Variants in STARD3 observed in about 807,000 individuals in gnomAD.
The protein encoded by STARD3 is StAR related lipid transfer domain containing 3, also known as stAR-related lipid transfer protein 3.
Under a neutral mutation model 62.0 loss-of-function variants are expected in STARD3, and 39 were observed. That is an observed-to-expected ratio of 0.63 (90% confidence interval 0.49 to 0.82). STARD3 has a LOEUF of 0.82. Ranked by LOEUF, STARD3 falls within the 40% of genes least tolerant of loss-of-function variation. STARD3 has a pLI of 0.00. For synonymous variants in STARD3, 229 were observed against 242.4 expected, an observed-to-expected ratio of 0.94 and a Z score of 0.51; for missense variants, 543 against 584.5, an observed-to-expected ratio of 0.93 and a Z score of 0.73.
At chr17:39,641,648 C>T (rs2056984043) in intron 1 of STARD3, among the ~76,000 whole-genome samples, 1 of 152,196 alleles carries the variant, frequency 6.6e-6, no homozygotes. Flanking sequence ...AGACACTGTG[C>T]ATGTGTTGTT....
chr17:39,658,019 T>A lies in STARD3; in HGVS notation c.422T>A (p.Leu141His), dbSNP rs1567859859. 6.4e-7 allele frequency: 1 copy of A among 1,559,980 alleles called. No individual in the cohort carries two copies. Among genetic ancestry groups the A allele is most frequent in the Non-Finnish European group, 8.7e-7 (1 of 1,151,788 alleles). ...GCATTCCTCATTGTCAAGGTCATCC[T>A]CTCTGAGGTCAGTGGCTCAGGGTCT... ...SSAFLIVKVI[L>H]SELLSKGAFG... Residue 141 changes from leucine (L) to histidine (H), a missense_variant, in exon 5 of 15, where the codon CTC becomes CAC. Transcript: ENST00000336308.
rs529235725 is a variant in STARD3, at chr17:39,663,959, G to A, written c.*1051G>A. ...CCAGGGGCGGCCTGGAGCCCGGATC[G>A]CAGGGCGGGGCCAGGCCACTGCCTG... On this transcript the variant is annotated 3_prime_UTR_variant, in exon 15 of 15. Transcript: ENST00000336308. Among the ~76,000 whole-genome samples the A allele has an allele frequency of 1.3e-5, 2 of 152,174 alleles. No homozygotes were observed. The highest frequency in any genetic ancestry group is 1.9e-4 in the East Asian group (1 of 5,150).
chr17:39,658,910 C>A, intron 7 of STARD3, 90 bp downstream of exon 7: 1 of 1,564,094 alleles, frequency 6.4e-7, no homozygotes, highest in Non-Finnish European at 8.8e-7. Flanking sequence ...TTCCTTCTAT[C>A]AGGCTCCCTG....
At chr17:39,647,068 G>A (rs977614002) in intron 1 of STARD3, among the ~76,000 whole-genome samples, 7 of 151,964 alleles carry the variant, frequency 4.6e-5, no homozygotes, top group Non-Finnish European at 7.4e-5. Context: ...GCGTGGTGGC[G>A]GGCACCTGTA....
chr17:39,650,707 G>A (rs2057070335), intron 1 of STARD3, among the ~76,000 whole-genome samples: 1 of 152,196 alleles, frequency 6.6e-6, no homozygotes, highest in African/African-American at 2.4e-5. Flanking sequence ...TCAGCTACTT[G>A]GGAGGCTGAG....
rs1267211443 is a variant in STARD3, at chr17:39,653,768, G to T, written c.219+18G>T. On this transcript the variant is annotated intron_variant, in intron 2 of 14. Coordinates refer to ENST00000336308, the MANE Select transcript of STARD3 (RefSeq NM_006804.4). ...AACTGAATGTGAGTGGGGGCGAGGTGGGGGCACAGGCCATGTTGCAGGCCA... is the reference window on the plus strand; with the variant it reads ...AACTGAATGTGAGTGGGGGCGAGGTTGGGGCACAGGCCATGTTGCAGGCCA... 1 of 1,613,410 alleles carries T rather than the reference G, an allele frequency of 6.2e-7. No homozygotes were observed. The highest frequency in any genetic ancestry group is 1.7e-4 in the Middle Eastern group (1 of 6,058).
At position 39,662,581 on chromosome 17, in the gene STARD3, T is replaced by G. The variant is rs938497610; in HGVS notation, c.1234-223T>G. On this transcript the variant is annotated intron_variant, in intron 14 of 14. Transcript: ENST00000336308. ...TCCTGAGGCCCTGAGGAAGGGTGGC[T>G]GGTGGCCAGCCCGGCCCCACCCTGG... 72 of 629,128 alleles carry G rather than the reference T, an allele frequency of 1.1e-4. 3 individuals are homozygous for G. Among genetic ancestry groups the G allele is most frequent in the South Asian group, 3.6e-4 (18 of 50,632 alleles). The allele number at this position is 629,128 out of a possible 1,614,324, so 39.0% of individuals were successfully genotyped here. A position where few individuals can be genotyped will look rare whatever the true frequency, so the allele number is the denominator to read the frequency against.
rs1379117635 is a variant in STARD3, at chr17:39,663,700, A to G, written c.*792A>G. On this transcript the variant is annotated 3_prime_UTR_variant, in exon 15 of 15. Coordinates refer to ENST00000336308, the MANE Select transcript of STARD3 (RefSeq NM_006804.4). ...CAACTGAGCAGATGACTGGTCAGAA[A>G]AAAATGCCCCGCCCCCTGCCAGGCT... is the stretch of plus-strand genomic sequence containing the variant. Among the ~76,000 whole-genome samples, 4 of 145,308 alleles carry G rather than the reference A, an allele frequency of 2.8e-5. No homozygotes were observed. The highest frequency in any genetic ancestry group is 6.8e-5 in the Admixed American group (1 of 14,620).
intron 5 of STARD3, 161 bp downstream of exon 5, chr17:39,658,187 C>T (rs779749285): frequency 2.7e-5 from 25 of 933,770 alleles, no homozygotes; most frequent in Non-Finnish European, 3.5e-5. Flanking sequence ...ATCCTTCACC[C>T]GCTTCCCTGA....
At chr17:39,655,706 A>T (rs868302188) in intron 2 of STARD3, among the ~76,000 whole-genome samples, 2 of 152,042 alleles carry the variant, frequency 1.3e-5, no homozygotes, top group Admixed American at 1.3e-4. Context: ...TCAGTCTTGT[A>T]GTTTTACTTT....
intron 1 of STARD3, among the ~76,000 whole-genome samples, chr17:39,638,551 C>T (rs1455781331): frequency 6.6e-6 from 1 of 152,168 alleles, no homozygotes; most frequent in African/African-American, 2.4e-5. Context: ...TGCTGGGCTA[C>T]CTTCTACATG....
Position 39,653,554 on chromosome 17 carries a change from T to C in STARD3, c.23T>C (p.Leu8Pro), listed in dbSNP as rs2057097240. 3.1e-6 allele frequency: 5 copies of C among 1,605,620 alleles called. No individual in the cohort carries two copies. Among genetic ancestry groups the C allele is most frequent in the Non-Finnish European group, 4.2e-6 (5 of 1,179,912 alleles). ...AGGATGAGCAAGCTGCCCAGGGAGC[T>C]GACCCGAGACTTGGAGCGCAGCCTG... is the stretch of plus-strand genomic sequence containing the variant. MSKLPRE[L>P]TRDLERSLPA... Residue 8 changes from leucine (L) to proline (P), a missense_variant, in exon 2 of 15, where the codon CTG becomes CCG. By Grantham distance (98) the Leu-to-Pro change is moderately conservative. Coordinates refer to ENST00000336308, the MANE Select transcript of STARD3 (RefSeq NM_006804.4).
chr17:39,651,371 C>T (rs1249502353), intron 1 of STARD3, among the ~76,000 whole-genome samples: 1 of 152,182 alleles, frequency 6.6e-6, no homozygotes, highest in African/African-American at 2.4e-5. Context: ...TGGCAGGACA[C>T]CTCAGGAGGG....
chr17:39,653,372 T>G, intron 1 of STARD3, 109 bp from the exon 2 acceptor site: 1 of 744,952 alleles, frequency 1.3e-6, no homozygotes, highest in Non-Finnish European at 2.2e-6. Flanking sequence ...GCCCTGGGCT[T>G]GGGACCCAGT....
At chr17:39,658,945 C>A in intron 7 of STARD3, 106 bp from the exon 8 acceptor site, 1 of 1,561,332 alleles carries the variant, frequency 6.4e-7, no homozygotes, top group Non-Finnish European at 8.8e-7. Flanking sequence ...CCCTCTCCCA[C>A]ACACTTTTAT....
At position 39,657,013 on chromosome 17, in the gene STARD3, C is replaced by G. The variant is rs779211915; in HGVS notation, c.225C>G (p.Asn75Lys). The change falls in exon 3 of 15, where the codon AAC becomes AAG. Residue 75 changes from asparagine to lysine, a missense_variant. Coordinates refer to ENST00000336308, the MANE Select transcript of STARD3 (RefSeq NM_006804.4). ...TTCCTGTCTCCCTCTCACAGACCAA[C>G]ACAGGCATCCGTAAGAACTTGGAGC... ...SLLWIIELNT[N>K]TGIRKNLEQE... is the part of the protein sequence containing the mutation. 6.2e-7 allele frequency: 1 copy of G among 1,614,164 alleles called. No homozygotes were observed. Among genetic ancestry groups the G allele is most frequent in the South Asian group, 1.1e-5 (1 of 91,084 alleles).
chr17:39,661,026 C>T lies in STARD3; in HGVS notation c.1080C>T (p.Tyr360=). The change falls in exon 13 of 15, where the codon TAC becomes TAT. Residue 360 remains tyrosine, a synonymous_variant. Coordinates refer to ENST00000336308, the MANE Select transcript of STARD3 (RefSeq NM_006804.4). ...GCATTGAGCGGCGCAGGGACCGATA[C>T]TTGTCATCAGGGATCGCCACCTCAC... The part of the protein sequence containing the change: ...VRRIERRRDR[Y]LSSGIATSHS... 1.9e-6 allele frequency: 3 copies of T among 1,613,822 alleles called. No homozygotes were observed. Among genetic ancestry groups the T allele is most frequent in the Non-Finnish European group, 2.5e-6 (3 of 1,180,028 alleles).
At chr17:39,655,509 T>C (rs2057118491) in intron 2 of STARD3, among the ~76,000 whole-genome samples, 1 of 152,156 alleles carries the variant, frequency 6.6e-6, no homozygotes, top group Admixed American at 6.5e-5. Flanking sequence ...TTGAAGTTAT[T>C]TGGCTGTGTT....
chr17:39,656,262 C>T (rs1458861958), intron 2 of STARD3, among the ~76,000 whole-genome samples: 3 of 152,150 alleles, frequency 2.0e-5, no homozygotes, highest in Non-Finnish European at 4.4e-5. Flanking sequence ...GCCCAGAGTC[C>T]CTGTGTCCTC....
Sources: gnomAD v4.1 joint callset for allele counts (sites outside exome capture counted in the v4.1 genomes callset) on GRCh38, gnomAD v4.1.1 for gene constraint, MANE v1.5 for transcripts, NCBI Gene and HGNC (gene_info 2026-07-23, HGNC 2026-07-21) for gene names.